The following LRRTM4 variants were observed in gnomAD, a reference collection of about 807,000 sequenced individuals.
The protein encoded by LRRTM4 is leucine rich repeat transmembrane neuronal 4, also known as leucine-rich repeat transmembrane neuronal protein 4.
In LRRTM4, 25 loss-of-function variants were observed where a neutral mutation model predicts 47.6. The observed-to-expected ratio is 0.53, with a 90% confidence interval of 0.38 to 0.73. The LOEUF is 0.73. Among genes scored for constraint, LRRTM4 ranks in the 30% least tolerant of loss-of-function variants. LRRTM4 has a pLI of 0.00. For missense variants in LRRTM4, 638 were observed against 713.4 expected (o/e 0.89, Z 1.20); for synonymous variants, 311 against 269.5 (o/e 1.15, Z -1.51).
chr2:77,500,501 A>T (rs1174107907), intron 3 of LRRTM4, among the ~76,000 whole-genome samples: 1 of 150,166 alleles, frequency 6.7e-6, no homozygotes, highest in Non-Finnish European at 1.5e-5. Context: ...TAAAAAGAAA[A>T]CTTATCATAT....
At chr2:77,360,681 A>G (rs916769982) in intron 3 of LRRTM4, among the ~76,000 whole-genome samples, 6 of 152,174 alleles carry the variant, frequency 3.9e-5, no homozygotes, top group Non-Finnish European at 7.4e-5. Flanking sequence ...GCAGCAGAGC[A>G]GAAGTGAGAT....
At chr2:76,991,699 C>T (rs901610874) in intron 3 of LRRTM4, among the ~76,000 whole-genome samples, 7 of 151,634 alleles carry the variant, frequency 4.6e-5, no homozygotes, top group Admixed American at 2.0e-4. Flanking sequence ...CAAATTCTAC[C>T]AGATGTACAG....
intron 3 of LRRTM4, among the ~76,000 whole-genome samples, chr2:77,070,513 A>G (rs1409333879): frequency 6.6e-6 from 1 of 152,168 alleles, no homozygotes; most frequent in African/African-American, 2.4e-5. Flanking sequence ...ATTATCACTA[A>G]AAATTTGACA....
chr2:77,503,045 T>C (rs1288775286), intron 3 of LRRTM4, among the ~76,000 whole-genome samples: 1 of 138,356 alleles, frequency 7.2e-6, no homozygotes, highest in African/African-American at 2.7e-5. Context: ...TCATTCAGGG[T>C]TTTTTTTTTT....
In LRRTM4 at chr2:76,903,400, G is replaced by A. The variant is rs564046478; in HGVS notation, c.1552-154484C>T. On this transcript the variant is annotated intron_variant, in intron 3 of 3. Transcript: ENST00000409884. The stretch of plus-strand genomic sequence containing the variant: ...AAATACAAAAATTTAGCCAGGTGTG[G>A]TGGCGGGCGCCTGTAGTCCCAGCTA... Among the ~76,000 whole-genome samples the A allele has an allele frequency of 4.6e-5, 7 of 152,152 alleles. 2 individuals carry two copies. The Middle Eastern group carries it at 0.02, about 444-fold the overall frequency.
intron 3 of LRRTM4, among the ~76,000 whole-genome samples, chr2:76,859,045 G>C (rs1672237973): frequency 6.6e-6 from 1 of 152,204 alleles, no homozygotes; most frequent in Non-Finnish European, 1.5e-5. Context: ...ACACAGAAGA[G>C]TAACTGCTAT....
Position 77,479,123 on chromosome 2 carries a change from T to C in LRRTM4, c.1551+39195A>G, listed in dbSNP as rs767197958. On this transcript the variant is annotated intron_variant, in intron 3 of 3. Coordinates refer to ENST00000409884, the MANE Select transcript of LRRTM4 (RefSeq NM_001134745.3). Reference sequence around the variant, plus strand: ...CTTGGTCAGGCTGGTCTCGAACTCCTGACCTCAGGGGATCCACCTGTCTCG... The same window carrying C: ...CTTGGTCAGGCTGGTCTCGAACTCCCGACCTCAGGGGATCCACCTGTCTCG... 3.5e-4 allele frequency among the ~76,000 whole-genome samples: 53 copies of C among 152,146 alleles called. 1 individual carries two copies. The highest frequency in any genetic ancestry group is 1.2e-4 in the Non-Finnish European group (8 of 68,020).
chr2:77,488,545 G>A lies in LRRTM4; in HGVS notation c.1551+29773C>T, dbSNP rs139922588. Among the ~76,000 whole-genome samples the A allele has an allele frequency of 2.0e-4, 31 of 152,278 alleles. No individual in the cohort carries two copies. In the East Asian group the frequency reaches 6.0e-3, roughly 29 times the overall value. On this transcript the variant is annotated intron_variant, in intron 3 of 3. Transcript: ENST00000409884. Reference sequence around the variant, plus strand: ...CACTGATCACAAAGTTTTTCATCTGGCAAGGTGACACCCAAGGATCCCATG... The same window carrying A: ...CACTGATCACAAAGTTTTTCATCTGACAAGGTGACACCCAAGGATCCCATG...
intron 3 of LRRTM4, among the ~76,000 whole-genome samples, chr2:77,151,622 C>T (rs565243104): frequency 1.8e-4 from 27 of 152,192 alleles, no homozygotes; most frequent in African/African-American, 3.4e-4. Flanking sequence ...CTGCTGTTTG[C>T]GACAGCATGG....
At chr2:77,173,841 A>G (rs1369532876) in intron 3 of LRRTM4, among the ~76,000 whole-genome samples, 2 of 151,932 alleles carry the variant, frequency 1.3e-5, no homozygotes, top group African/African-American at 2.4e-5. Context: ...GTTGTTTCCT[A>G]TCCTAGAAAA....
rs570963144 is a variant in LRRTM4, at chr2:77,204,387, T to C, written c.1551+313931A>G. Among the ~76,000 whole-genome samples the C allele has an allele frequency of 2.4e-4, 36 of 152,070 alleles. No homozygotes were observed. In the South Asian group the frequency reaches 7.3e-3, roughly 31 times the overall value. ...ATGACAATGATGATGATGGTGATAA[T>C]GATGATGATGGCAGCAACTAGATGG... On this transcript the variant is annotated intron_variant, in intron 3 of 3. Coordinates refer to ENST00000409884, the MANE Select transcript of LRRTM4 (RefSeq NM_001134745.3).
Position 76,987,831 on chromosome 2 carries a change from C to T in LRRTM4, c.1552-238915G>A, listed in dbSNP as rs950522250. On this transcript the variant is annotated intron_variant, in intron 3 of 3. Transcript: ENST00000409884. ...GAAACACCGGGAAAATTCTGCAGGA[C>T]ATTTCACTACTCCACTGACTAAAAG... Among the ~76,000 whole-genome samples the T allele has an allele frequency of 4.0e-5, 6 of 151,690 alleles. No homozygotes were observed. In the South Asian group the frequency reaches 8.3e-4, roughly 21 times the overall value.
At chr2:77,416,060 TAC>T (rs2103870321) in intron 3 of LRRTM4, among the ~76,000 whole-genome samples, 1 of 152,246 alleles carries the variant, frequency 6.6e-6, no homozygotes, top group Admixed American at 6.5e-5. Context: ...TGTGAGGATA[TAC>T]AGTTATTTTC....
chr2:77,238,599 C>A (rs7585096), intron 3 of LRRTM4, among the ~76,000 whole-genome samples: 22,764 of 151,626 alleles, frequency 0.15, 2,862 homozygotes, highest in East Asian at 0.33. Flanking sequence ...AACAGCACGC[C>A]GAGAGATACA....
chr2:77,102,368 T>TAAG (rs2103913654), intron 3 of LRRTM4, among the ~76,000 whole-genome samples: 1 of 152,298 alleles, frequency 6.6e-6, no homozygotes, highest in South Asian at 2.1e-4. Flanking sequence ...TTCCACGTAT[T>TAAG]CCCACTTCGG....
At chr2:77,002,676 A>C (rs1573434776) in intron 3 of LRRTM4, among the ~76,000 whole-genome samples, 1 of 152,126 alleles carries the variant, frequency 6.6e-6, no homozygotes, top group South Asian at 2.1e-4. Flanking sequence ...GATTTCTGAA[A>C]ACACCTTGTT....
chr2:77,294,315 A>C (rs1676911107), intron 3 of LRRTM4, among the ~76,000 whole-genome samples: 1 of 152,156 alleles, frequency 6.6e-6, no homozygotes, highest in African/African-American at 2.4e-5. Context: ...AAGAGCCATA[A>C]TTAATATCAG....
intron 3 of LRRTM4, among the ~76,000 whole-genome samples, chr2:76,963,762 GA>G (rs1023984996): frequency 2.7e-5 from 4 of 150,552 alleles, no homozygotes; most frequent in African/African-American, 9.7e-5. Context: ...TTATAATAGT[GA>G]AAAATATAAA....
At position 77,430,783 on chromosome 2, in the gene LRRTM4, G is replaced by A. The variant is rs1675341298; in HGVS notation, c.1551+87535C>T. ...AAGAGATACCTAGATAGCTGGCAAA[G>A]CATTGTTTTGAGGTGTATCTGTGAA... On this transcript the variant is annotated intron_variant, in intron 3 of 3. Transcript: ENST00000409884. Among the ~76,000 whole-genome samples, 13 of 148,200 alleles carry A rather than the reference G, an allele frequency of 8.8e-5. No homozygotes were observed. The South Asian group carries it at 2.7e-3, about 31-fold the overall frequency.
Sources: gnomAD v4.1 joint callset for allele counts (sites outside exome capture counted in the v4.1 genomes callset) on GRCh38, gnomAD v4.1.1 for gene constraint, MANE v1.5 for transcripts, NCBI Gene and HGNC (gene_info 2026-07-23, HGNC 2026-07-21) for gene names.